The following WHRN variants were observed in gnomAD, a reference collection of about 807,000 sequenced individuals.
WHRN encodes CASK-interacting protein CIP98.
WHRN carries 41 observed loss-of-function variants against 68.3 expected under a neutral mutation model. The ratio of observed to expected loss-of-function variants is 0.60; its 90% CI spans 0.47 to 0.78. The LOEUF (loss-of-function observed/expected upper bound fraction) is 0.78. Among genes scored for constraint, WHRN ranks in the 30% least tolerant of loss-of-function variants. The pLI, the probability that WHRN is intolerant of heterozygous loss-of-function variation, is 0.00. For synonymous variants in WHRN, 560 were observed against 561.3 expected (o/e 1.00, Z 0.03); for missense variants, 1,243 against 1,244.7 (o/e 1.00, Z 0.02).
intron 3 of WHRN, among the ~76,000 whole-genome samples, chr9:114,428,287 C>T (rs1837073301): frequency 1.3e-5 from 2 of 152,352 alleles, no homozygotes; most frequent in African/African-American, 2.4e-5. Flanking sequence ...CATCGTGCCA[C>T]TGCACTCCAG....
At chr9:114,496,092 A>G (rs921531318) in intron 1 of WHRN, among the ~76,000 whole-genome samples, 9 of 152,024 alleles carry the variant, frequency 5.9e-5, no homozygotes, top group Non-Finnish European at 1.3e-4. Flanking sequence ...CACCAATTTC[A>G]CCTGCATTAA....
chr9:114,504,042 C>G, intron 1 of WHRN, 142 bp downstream of exon 1: 5 of 1,256,448 alleles, frequency 4.0e-6, no homozygotes, highest in Non-Finnish European at 4.3e-6. Flanking sequence ...GCTATACATT[C>G]CTGTTTTAAA....
intron 3 of WHRN, among the ~76,000 whole-genome samples, chr9:114,463,168 C>A (rs1425820165): frequency 6.6e-6 from 1 of 152,252 alleles, no homozygotes; most frequent in Non-Finnish European, 1.5e-5. Context: ...CTAGGCTTTT[C>A]AAACACAGCT....
At chr9:114,407,084 C>A (rs746865216) in intron 8 of WHRN, among the ~76,000 whole-genome samples, 192 bp from the exon 9 acceptor site, 4 of 152,188 alleles carry the variant, frequency 2.6e-5, no homozygotes, top group Non-Finnish European at 5.9e-5. Context: ...AGCTGATAAG[C>A]GTTGGGATCT....
chr9:114,424,732 C>T (rs1277955017), intron 5 of WHRN, among the ~76,000 whole-genome samples, 186 bp from the exon 6 acceptor site: 1 of 152,234 alleles, frequency 6.6e-6, no homozygotes, highest in East Asian at 1.9e-4. Flanking sequence ...TTTGTCTTTA[C>T]ATCTCCTTCA....
chr9:114,457,778 T>C (rs987200813), intron 3 of WHRN, among the ~76,000 whole-genome samples: 3 of 152,082 alleles, frequency 2.0e-5, no homozygotes, highest in Admixed American at 2.0e-4. Context: ...TAGCCAGGCA[T>C]GGTGGCAGGC....
At chr9:114,458,641 G>A (rs1839999609) in intron 3 of WHRN, among the ~76,000 whole-genome samples, 1 of 152,136 alleles carries the variant, frequency 6.6e-6, no homozygotes, top group Non-Finnish European at 1.5e-5. Context: ...AGTCTTTCCT[G>A]TTGTTGGAGC....
intron 4 of WHRN, 163 bp from the exon 5 acceptor site, chr9:114,425,187 A>G (rs747080395): frequency 7.7e-6 from 6 of 776,026 alleles, no homozygotes. Context: ...TCAGGGGTAA[A>G]GGAAACTCCG....
intron 3 of WHRN, among the ~76,000 whole-genome samples, chr9:114,441,659 G>T (rs1589144051): frequency 1.3e-5 from 2 of 152,210 alleles, no homozygotes; most frequent in African/African-American, 4.8e-5. Context: ...GGGACACTCT[G>T]AGTATCAAAG....
rs775637051 is a variant in WHRN at position 114,424,952 on chromosome 9, G to A, written c.1203+36C>T. On this transcript the variant is annotated intron_variant, in intron 5 of 11. Transcript: ENST00000362057. ...CAGACCTCCTCACTCAGGGAGCTGT[G>A]AGGAAGCAGAGAATACCCCTTAGAG... 5.0e-6 allele frequency: 8 copies of A among 1,610,300 alleles called. No individual in the cohort carries two copies. The African/African-American group carries it at 8.0e-5, about 16-fold the overall frequency.
intron 7 of WHRN, among the ~76,000 whole-genome samples, chr9:114,409,086 G>A (rs780980175): frequency 2.6e-5 from 4 of 152,174 alleles, no homozygotes; most frequent in East Asian, 1.9e-4. Context: ...CCATCATTGC[G>A]TGGGCCAATC....
chr9:114,448,210 G>A (rs193051073), intron 3 of WHRN, among the ~76,000 whole-genome samples: 3 of 152,180 alleles, frequency 2.0e-5, no homozygotes, highest in Non-Finnish European at 4.4e-5. Flanking sequence ...ACTTCTGCCC[G>A]TATAAGAGAA....
At chr9:114,448,872 C>T (rs1185477915) in intron 3 of WHRN, among the ~76,000 whole-genome samples, 1 of 152,194 alleles carries the variant, frequency 6.6e-6, no homozygotes, top group Non-Finnish European at 1.5e-5. Flanking sequence ...CTTGTCACTT[C>T]CTCACCCACA....
chr9:114,487,319 A>C (rs1263103950), intron 1 of WHRN, among the ~76,000 whole-genome samples: 1 of 151,540 alleles, frequency 6.6e-6, no homozygotes, highest in East Asian at 1.9e-4. Context: ...GCCCTTCCTG[A>C]CTTGCTCTTG....
intron 1 of WHRN, among the ~76,000 whole-genome samples, chr9:114,494,963 C>T (rs1190736982): frequency 6.6e-6 from 1 of 152,136 alleles, no homozygotes; most frequent in Non-Finnish European, 1.5e-5. Context: ...GAAGAGCAGG[C>T]TCCTCAGGGT....
chr9:114,432,122 T>G (rs992821005), intron 3 of WHRN, among the ~76,000 whole-genome samples: 4 of 152,076 alleles, frequency 2.6e-5, no homozygotes, highest in African/African-American at 9.7e-5. Context: ...GAGTGGAGGG[T>G]GGACCATGGA....
At chr9:114,455,156 T>C (rs1839671016) in intron 3 of WHRN, among the ~76,000 whole-genome samples, 1 of 92,770 alleles carries the variant, frequency 1.1e-5, no homozygotes, top group South Asian at 4.7e-4. Context: ...ATATGGCTAA[T>C]AAAAGATTGA....
chr9:114,454,633 C>G (rs1395822873), intron 3 of WHRN, among the ~76,000 whole-genome samples: 2 of 151,652 alleles, frequency 1.3e-5, no homozygotes, highest in Non-Finnish European at 2.9e-5. Flanking sequence ...GATGTTAAAT[C>G]TTCTAATTTG....
At chr9:114,463,455 T>C (rs908121177) in intron 3 of WHRN, among the ~76,000 whole-genome samples, 4 of 152,216 alleles carry the variant, frequency 2.6e-5, no homozygotes, top group Admixed American at 6.5e-5. Flanking sequence ...TTAAACTTCA[T>C]ACAGACTAAA....
Sources: gnomAD v4.1 joint callset for allele counts (sites outside exome capture counted in the v4.1 genomes callset) on GRCh38, gnomAD v4.1.1 for gene constraint, MANE v1.5 for transcripts, NCBI Gene and HGNC (gene_info 2026-07-23, HGNC 2026-07-21) for gene names.